RAP1A: variants seen among roughly 807,000 people sequenced by gnomAD.
RAP1A encodes the protein RAP1A, member of RAS oncogene family.
RAP1A carries 6 observed loss-of-function variants against 26.4 expected under a neutral mutation model. That is an observed-to-expected ratio of 0.23 (90% CI 0.12 to 0.45). The LOEUF is 0.45. Among genes scored for constraint, RAP1A ranks in the 20% least tolerant of loss-of-function variants. RAP1A has a pLI of 0.99. For missense variants in RAP1A, 121 were observed against 217.2 expected, an observed-to-expected ratio of 0.56 and a Z score of 2.78; for synonymous variants, 73 against 79.4, an observed-to-expected ratio of 0.92 and a Z score of 0.43.
At chr1:111,700,633 T>A (rs933659336) in intron 4 of RAP1A, among the ~76,000 whole-genome samples, 1 of 152,206 alleles carries the variant, frequency 6.6e-6, no homozygotes, top group African/African-American at 2.4e-5. Flanking sequence ...AACTTCGAGC[T>A]CTTATATCTA....
In RAP1A at chr1:111,658,634, T is replaced by C. The variant is rs150654586; in HGVS notation, c.-27-32700T>C. ...GGATCATTAAGATGTCACTAGGCAATAGGAATTTTTCAGCTCCATTGTAAT... is the reference window on the plus strand; with the variant it reads ...GGATCATTAAGATGTCACTAGGCAACAGGAATTTTTCAGCTCCATTGTAAT... On this transcript the variant is annotated intron_variant, in intron 1 of 7. Transcript: ENST00000369709. Among the ~76,000 whole-genome samples the C allele has an allele frequency of 7.5e-4, 114 of 152,312 alleles. 1 individual carries two copies. In the East Asian group the frequency reaches 0.021, roughly 28 times the overall value.
intron 1 of RAP1A, among the ~76,000 whole-genome samples, chr1:111,636,911 T>C (rs1362548269): frequency 5.3e-5 from 8 of 152,224 alleles, no homozygotes; most frequent in Non-Finnish European, 8.8e-5. Context: ...AATTAAAATA[T>C]ATTTCCTGTC....
chr1:111,646,959 A>G (rs1660090391), intron 1 of RAP1A, among the ~76,000 whole-genome samples: 1 of 152,194 alleles, frequency 6.6e-6, no homozygotes, highest in South Asian at 2.1e-4. Flanking sequence ...AAAAGGAGTT[A>G]AAGTTTTTTT....
At chr1:111,553,722 C>T (rs1657369110) in intron 1 of RAP1A, among the ~76,000 whole-genome samples, 1 of 152,144 alleles carries the variant, frequency 6.6e-6, no homozygotes. Flanking sequence ...TCCTTTCTAC[C>T]TCTGACATTA....
intron 1 of RAP1A, among the ~76,000 whole-genome samples, chr1:111,628,991 C>T (rs1177003142): frequency 2.0e-5 from 3 of 152,118 alleles, no homozygotes; most frequent in African/African-American, 7.2e-5. Context: ...TCTTGGTTAA[C>T]AGGATATCCT....
chr1:111,589,077 T>C (rs1301803057), intron 1 of RAP1A, among the ~76,000 whole-genome samples: 1 of 152,232 alleles, frequency 6.6e-6, no homozygotes, highest in African/African-American at 2.4e-5. Flanking sequence ...ATCATCCCCT[T>C]AAATGTGTTA....
upstream of RAP1A, chr1:111,619,780 G>GGAGGCGCCGCCGCCGCTCCC: frequency 2.5e-6 from 1 of 397,868 alleles, no homozygotes; most frequent in Non-Finnish European, 4.4e-6. Context: ...GCGTTCTGGA[G>GGAGGCGCCGCCGCCGCTCCC]GAGGCGCCGC....
chr1:111,702,065 A>G (rs949187929), intron 4 of RAP1A, among the ~76,000 whole-genome samples: 1 of 152,204 alleles, frequency 6.6e-6, no homozygotes, highest in African/African-American at 2.4e-5. Context: ...CTGGAATACA[A>G]GAAAGAGTAC....
At chr1:111,655,452 A>G (rs1218405807) in intron 1 of RAP1A, among the ~76,000 whole-genome samples, 1 of 152,068 alleles carries the variant, frequency 6.6e-6, no homozygotes, top group Non-Finnish European at 1.5e-5. Flanking sequence ...AAAAAAGCAC[A>G]TGACTGATAA....
chr1:111,667,519 A>G (rs1048331737), intron 1 of RAP1A, among the ~76,000 whole-genome samples: 4 of 151,984 alleles, frequency 2.6e-5, no homozygotes, highest in African/African-American at 9.7e-5. Flanking sequence ...ACCTGTCTCT[A>G]CTAAAAATAC....
At chr1:111,666,531 C>G (rs1300640024) in intron 1 of RAP1A, among the ~76,000 whole-genome samples, 2 of 151,638 alleles carry the variant, frequency 1.3e-5, no homozygotes, top group Non-Finnish European at 2.9e-5. Flanking sequence ...TGCAGATATT[C>G]TAAAAATAGA....
intron 1 of RAP1A, among the ~76,000 whole-genome samples, chr1:111,675,816 T>G (rs763329212): frequency 5.3e-5 from 8 of 152,240 alleles, no homozygotes; most frequent in Non-Finnish European, 1.0e-4. Flanking sequence ...GAAAGAGATT[T>G]AATTGGACTT....
chr1:111,705,554 T>C (rs1290805007), intron 6 of RAP1A, among the ~76,000 whole-genome samples: 1 of 152,246 alleles, frequency 6.6e-6, no homozygotes, highest in African/African-American at 2.4e-5. Context: ...TGTTTTTTTA[T>C]GTGAAACCAT....
intron 2 of RAP1A, among the ~76,000 whole-genome samples, chr1:111,692,700 G>T (rs1485850820): frequency 1.3e-5 from 2 of 152,114 alleles, no homozygotes; most frequent in Non-Finnish European, 2.9e-5. Context: ...ATACCGATAT[G>T]TAATGATATC....
intron 1 of RAP1A, chr1:111,649,364 C>T (rs1660185833): frequency 2.6e-6 from 1 of 384,860 alleles, no homozygotes; most frequent in Non-Finnish European, 5.1e-6. Flanking sequence ...CCTGCCAGCC[C>T]CTCGGCCATC....
intron 1 of RAP1A, among the ~76,000 whole-genome samples, chr1:111,545,240 G>A (rs911065887): frequency 2.0e-5 from 3 of 151,866 alleles, no homozygotes; most frequent in Non-Finnish European, 2.9e-5. Flanking sequence ...CATTCCCACC[G>A]GCAATGTATG....
At chr1:111,562,819 T>C (rs1657792654) in intron 1 of RAP1A, among the ~76,000 whole-genome samples, 1 of 152,236 alleles carries the variant, frequency 6.6e-6, no homozygotes, top group Non-Finnish European at 1.5e-5. Flanking sequence ...TACTCTGCTT[T>C]CTTTGGTTTG....
intron 1 of RAP1A, among the ~76,000 whole-genome samples, chr1:111,576,381 G>GGCA (rs1557855837): frequency 6.6e-6 from 1 of 152,162 alleles, no homozygotes; most frequent in Non-Finnish European, 1.5e-5. Flanking sequence ...GACTAGAGAT[G>GGCA]GCAGTGCCAC....
At chr1:111,636,126 G>T (rs947104972) in intron 1 of RAP1A, among the ~76,000 whole-genome samples, 2 of 152,048 alleles carry the variant, frequency 1.3e-5, no homozygotes, top group Non-Finnish European at 2.9e-5. Flanking sequence ...TGAATTCAAG[G>T]CTGATGTGCT....
Sources: gnomAD v4.1 joint callset for allele counts (sites outside exome capture counted in the v4.1 genomes callset) on GRCh38, gnomAD v4.1.1 for gene constraint, MANE v1.5 for transcripts, NCBI Gene and HGNC (gene_info 2026-07-23, HGNC 2026-07-21) for gene names.